IDO2: variants seen among roughly 807,000 people sequenced by gnomAD.
The protein encoded by IDO2 is indoleamine 2,3-dioxygenase 2, also known as indoleamine 2,3-dioxygenase-like 1 protein.
A neutral mutation model predicts 45.1 loss-of-function variants in IDO2; 46 were observed. That is an observed-to-expected ratio of 1.02 (90% CI 0.80 to 1.30). The LOEUF (loss-of-function observed/expected upper bound fraction) is 1.30, where lower values mean the gene tolerates loss of function less well. Ranked by LOEUF, IDO2 falls within the 50% of genes most tolerant of loss-of-function variation. The probability of loss-of-function intolerance (pLI) is 0.00; values close to 1 mark genes in which losing one functional copy is unlikely to be tolerated. For synonymous variants in IDO2, 218 were observed against 184.9 expected (o/e 1.18, Z -1.45); for missense variants, 544 against 491.8 (o/e 1.11, Z -1.00).
chr8:39,942,554 T>A (rs1807659568), intron 1 of IDO2, among the ~76,000 whole-genome samples: 1 of 152,090 alleles, frequency 6.6e-6, no homozygotes, highest in Middle Eastern at 3.4e-3. Flanking sequence ...GCAGAAGAAT[T>A]GCTTGAACCT....
At chr8:39,979,534 A>G (rs1324303762) in intron 4 of IDO2, among the ~76,000 whole-genome samples, 1 of 151,896 alleles carries the variant, frequency 6.6e-6, no homozygotes, top group African/African-American at 2.4e-5. Flanking sequence ...TTGTATTTTT[A>G]GTAGAGATGG....
intron 1 of IDO2, among the ~76,000 whole-genome samples, chr8:39,943,504 G>A (rs6474196): frequency 6.6e-6 from 1 of 151,766 alleles, no homozygotes; most frequent in Admixed American, 6.6e-5. Flanking sequence ...CTAGGAGGCC[G>A]AGGCGGGCAG....
chr8:39,941,221 C>CAAAAAAAAAAAAAAAA (rs59745370), intron 1 of IDO2, among the ~76,000 whole-genome samples: 3 of 80,548 alleles, frequency 3.7e-5, no homozygotes, highest in African/African-American at 1.8e-4. Flanking sequence ...GACTCCATCT[C>CAAAAAAAAAAAAAAAA]AAAAAAAAAA....
rs1197121846 is a variant in IDO2, at chr8:39,963,680, C to T, written c.172C>T (p.Gln58Ter). The change falls in exon 3 of 11, where the codon CAG becomes TAG. Residue 58 changes from glutamine (Q) to a stop codon, truncating the protein, a stop_gained. Coordinates refer to ENST00000502986, the Ensembl canonical transcript of IDO2. LOFTEE classifies it high-confidence loss of function. ...ACTTCCTCAATTGATTGATGCTCAC[C>T]AGCTTCAAGCTCATGTGGACAAGGT... 2 of 1,607,798 alleles carry T rather than the reference C, an allele frequency of 1.2e-6. No homozygotes were observed. The highest frequency in any genetic ancestry group is 2.7e-5 in the African/African-American group (2 of 74,938).
chr8:39,946,838 G>A (rs1807739314), intron 1 of IDO2, among the ~76,000 whole-genome samples: 1 of 152,046 alleles, frequency 6.6e-6, no homozygotes, highest in African/African-American at 2.4e-5. Flanking sequence ...ACTTATCTTA[G>A]TGGTAGGGTC....
intron 2 of IDO2, among the ~76,000 whole-genome samples, chr8:39,954,386 A>T (rs1179515507): frequency 1.3e-5 from 2 of 152,174 alleles, no homozygotes; most frequent in African/African-American, 4.8e-5. Context: ...AAGATTGTGA[A>T]GTCAGATTTA....
At chr8:39,945,836 A>T (rs1807720110) in intron 1 of IDO2, among the ~76,000 whole-genome samples, 1 of 152,182 alleles carries the variant, frequency 6.6e-6, no homozygotes, top group African/African-American at 2.4e-5. Flanking sequence ...AGCGAAAGAG[A>T]TCTAACTTAA....
intron 7 of IDO2, among the ~76,000 whole-genome samples, chr8:39,988,230 A>G (rs1167543904): frequency 6.6e-6 from 1 of 152,198 alleles, no homozygotes; most frequent in Non-Finnish European, 1.5e-5. Flanking sequence ...GGATCGAACA[A>G]GACAGACATT....
chr8:39,968,833 A>T (rs1012683835), intron 3 of IDO2, among the ~76,000 whole-genome samples: 6 of 152,052 alleles, frequency 3.9e-5, no homozygotes, highest in Non-Finnish European at 8.8e-5. Flanking sequence ...CATATGTAAC[A>T]AACCAGCACA....
At chr8:40,014,045 T>G (rs184487491) in intron 10 of IDO2, among the ~76,000 whole-genome samples, 1 of 152,086 alleles carries the variant, frequency 6.6e-6, no homozygotes, top group Non-Finnish European at 1.5e-5. Flanking sequence ...AGGCTATGAG[T>G]CTGGGCCAGC....
chr8:39,939,546 C>CAAAAAAA (rs55892879), intron 1 of IDO2, among the ~76,000 whole-genome samples: 1 of 71,262 alleles, frequency 1.4e-5, no homozygotes, highest in Non-Finnish European at 2.4e-5. Flanking sequence ...GACTCTGTCT[C>CAAAAAAA]AAAAAAAAAA....
intron 9 of IDO2, among the ~76,000 whole-genome samples, chr8:40,009,247 T>G (rs1385882023): frequency 1.3e-5 from 2 of 152,192 alleles, no homozygotes; most frequent in Non-Finnish European, 2.9e-5. Flanking sequence ...ACTCCTGACC[T>G]CAGGTGATCT....
intron 2 of IDO2, among the ~76,000 whole-genome samples, chr8:39,961,862 T>C (rs879188650): frequency 6.6e-6 from 1 of 152,220 alleles, no homozygotes; most frequent in African/African-American, 2.4e-5. Context: ...TTCCTCTTCT[T>C]CTTAGCCCAA....
chr8:39,980,100 C>T (rs374341231), intron 4 of IDO2, among the ~76,000 whole-genome samples: 31 of 152,310 alleles, frequency 2.0e-4, no homozygotes, highest in Middle Eastern at 3.4e-3. Flanking sequence ...GGATTACAGG[C>T]GTGAGCCACC....
intron 8 of IDO2, 68 bp from the exon 9 acceptor site, chr8:40,005,259 G>A (rs1047860961): frequency 3.8e-6 from 4 of 1,042,938 alleles, no homozygotes; most frequent in Non-Finnish European, 5.7e-6. Context: ...CAGCAGCAGG[G>A]CCCATGCACA....
At chr8:39,953,807 C>T (rs1040814631) in intron 2 of IDO2, among the ~76,000 whole-genome samples, 2 of 152,170 alleles carry the variant, frequency 1.3e-5, no homozygotes, top group Non-Finnish European at 2.9e-5. Flanking sequence ...TCAAGTGATC[C>T]ACCCGCCTCG....
chr8:40,009,110 G>T (rs1585421982), intron 9 of IDO2, among the ~76,000 whole-genome samples: 1 of 152,140 alleles, frequency 6.6e-6, no homozygotes, highest in Non-Finnish European at 1.5e-5. Flanking sequence ...TGCCTCCCAG[G>T]TTCAAGCTTT....
chr8:39,985,406 A>G (rs1381974859), intron 5 of IDO2, 102 bp from the exon 6 acceptor site: 4 of 992,262 alleles, frequency 4.0e-6, no homozygotes, highest in Non-Finnish European at 6.1e-6. Flanking sequence ...ATGCCTGTGG[A>G]CATGTGACCC....
intron 2 of IDO2, among the ~76,000 whole-genome samples, chr8:39,953,501 T>G (rs952856481): frequency 1.3e-5 from 2 of 152,216 alleles, no homozygotes; most frequent in African/African-American, 4.8e-5. Context: ...CTCCAGTTAA[T>G]GAGTCCCATA....
Sources: allele counts gnomAD v4.1 joint callset (sites outside exome capture counted in the v4.1 genomes callset), GRCh38; gene constraint gnomAD v4.1.1; transcripts MANE v1.5; gene names NCBI Gene and HGNC (gene_info 2026-07-23, HGNC 2026-07-21).